The following TBL1X variants were observed in gnomAD, a reference collection of about 807,000 sequenced individuals.
TBL1X encodes F-box-like/WD repeat-containing protein TBL1X.
A neutral mutation model predicts 50.7 loss-of-function variants in TBL1X; 10 were observed. The observed-to-expected ratio is 0.20, with a 90% CI of 0.12 to 0.33. The LOEUF is 0.33. Ranked by LOEUF, TBL1X falls within the 10% of genes least tolerant of loss-of-function variation. TBL1X has a pLI of 1.00. For synonymous variants in TBL1X, 190 were observed against 214.7 expected, an observed-to-expected ratio of 0.88 and a Z score of 1.01; for missense variants, 340 against 504.4, an observed-to-expected ratio of 0.67 and a Z score of 3.12.
intron 2 of TBL1X, among the ~76,000 whole-genome samples, chrX:9,507,824 G>A (rs1265713007): frequency 4.5e-5 from 5 of 111,998 alleles, no homozygotes; most frequent in African/African-American, 1.6e-4. Context: ...CAAATCTGCC[G>A]AAAACAAGCA....
At chrX:9,612,853 A>G (rs2082620289) in intron 2 of TBL1X, among the ~76,000 whole-genome samples, 1 of 111,717 alleles carries the variant, frequency 9.0e-6, no homozygotes, top group South Asian at 3.7e-4. Context: ...TTAAGAATAT[A>G]CAAAAAATTT....
At chrX:9,659,711 G>A (rs954315993) in intron 5 of TBL1X, among the ~76,000 whole-genome samples, 2 of 112,168 alleles carry the variant, frequency 1.8e-5, no homozygotes, top group Non-Finnish European at 3.8e-5. Flanking sequence ...CTAAGGCAGA[G>A]GCAGGACACG....
rs1045337352 is a variant in TBL1X at position 9,718,883 on chromosome X, G to C, written c.*2637G>C. The C allele has an allele frequency of 2.7e-5, 3 of 111,810 alleles. No homozygotes were observed. Among genetic ancestry groups the C allele is most frequent in the African/African-American group, 6.5e-5 (2 of 30,738 alleles). The allele number at this position is 111,810 out of a possible 1,213,427, so 9.2% of individuals were successfully genotyped here. ...AGCCTGCGGCCGCAAGCAAAACCAA[G>C]CGCGAGATGCAGCTAGCACCCTTCA... On this transcript the variant is annotated 3_prime_UTR_variant, in exon 18 of 18. Coordinates refer to ENST00000645353, the MANE Select transcript of TBL1X (RefSeq NM_005647.4).
At chrX:9,571,492 A>C (rs760197570) in intron 2 of TBL1X, among the ~76,000 whole-genome samples, 52 of 111,928 alleles carry the variant, frequency 4.6e-4, no homozygotes, top group African/African-American at 1.7e-3. Context: ...CCCCAATGTG[A>C]AAAGAATTCC....
chrX:9,558,808 C>T (rs1034674224), intron 2 of TBL1X, among the ~76,000 whole-genome samples: 6 of 111,690 alleles, frequency 5.4e-5, no homozygotes, highest in African/African-American at 1.3e-4. Flanking sequence ...CTCTAAGATA[C>T]GTCCTTGGAG....
chrX:9,674,962 C>T (rs949957166), intron 5 of TBL1X, among the ~76,000 whole-genome samples: 4 of 111,740 alleles, frequency 3.6e-5, no homozygotes, highest in African/African-American at 1.3e-4. Context: ...GAAACAGTTG[C>T]TTTTTATTAG....
intron 15 of TBL1X, among the ~76,000 whole-genome samples, chrX:9,710,299 G>C (rs1376978413): frequency 1.8e-5 from 2 of 109,775 alleles, no homozygotes; most frequent in Non-Finnish European, 3.8e-5. Flanking sequence ...CAGCAAGCCA[G>C]GCAGCACCAA....
intron 5 of TBL1X, among the ~76,000 whole-genome samples, chrX:9,681,244 A>G (rs1204410593): frequency 1.7e-4 from 19 of 112,138 alleles, no homozygotes; most frequent in South Asian, 3.7e-4. Flanking sequence ...CTGAGCAGCC[A>G]GGTGGAAATG....
chrX:9,656,200 T>G (rs780371817), intron 5 of TBL1X, among the ~76,000 whole-genome samples: 4 of 112,384 alleles, frequency 3.6e-5, no homozygotes, highest in Non-Finnish European at 7.5e-5. Context: ...AGCCCATAGC[T>G]TTCCAGAGGT....
rs113846367 is a variant in TBL1X at position 9,604,408 on chromosome X, CT to C, written c.-130-35855del. Among the ~76,000 whole-genome samples the C allele has an allele frequency of 8.5e-3, 916 of 108,246 alleles. 11 individuals carry two copies. Among genetic ancestry groups the C allele is most frequent in the African/African-American group, 0.028 (845 of 29,897 alleles). The allele number at this position is 108,246 out of a possible 115,157, so 94.0% of individuals were successfully genotyped here. ...AGACTTTTTATTTCACTTTCCCCCC[CT>C]TTTTTTTTTGCCAGTGGACTGCCAA... On this transcript the variant is annotated intron_variant, in intron 2 of 17. Coordinates refer to ENST00000645353, the MANE Select transcript of TBL1X (RefSeq NM_005647.4).
intron 2 of TBL1X, among the ~76,000 whole-genome samples, chrX:9,602,351 T>TCTTC (rs2146549586): frequency 9.2e-6 from 1 of 108,536 alleles, no homozygotes; most frequent in South Asian, 3.9e-4. Flanking sequence ...TTTCTTTCTT[T>TCTTC]CTTCCTTTTT....
chrX:9,642,412 C>T lies in TBL1X; in HGVS notation c.-43+2052C>T, dbSNP rs2082780531. On this transcript the variant is annotated intron_variant, in intron 3 of 17. Transcript: ENST00000645353. ...TTTCTGCCTATGCTGCGTGCTGCGT[C>T]TCAGAAAGTGAGGGCTTCTAACGGT... 4.5e-5 allele frequency among the ~76,000 whole-genome samples: 5 copies of T among 111,916 alleles called. No individual in the cohort carries two copies. The Admixed American group carries it at 4.7e-4, about 11-fold the overall frequency.
At chrX:9,557,377 A>C (rs1601755843) in intron 2 of TBL1X, among the ~76,000 whole-genome samples, 1 of 111,684 alleles carries the variant, frequency 9.0e-6, no homozygotes, top group African/African-American at 3.3e-5. Context: ...TTTGCAGGGG[A>C]AACAGGCGGT....
At chrX:9,466,925 G>T (rs1184877948) in intron 1 of TBL1X, among the ~76,000 whole-genome samples, 1 of 111,921 alleles carries the variant, frequency 8.9e-6, no homozygotes, top group Admixed American at 9.4e-5. Flanking sequence ...GGCGATTCCA[G>T]CCCTTAGTAG....
chrX:9,485,603 C>T lies in TBL1X; in HGVS notation c.-200-16177C>T, dbSNP rs372334111. Among the ~76,000 whole-genome samples the T allele has an allele frequency of 2.5e-4, 28 of 111,833 alleles. No individual in the cohort carries two copies. The East Asian group carries it at 3.7e-3, about 15-fold the overall frequency. On this transcript the variant is annotated intron_variant, in intron 1 of 17. Transcript: ENST00000645353. The stretch of plus-strand genomic sequence containing the variant: ...TGGGATGGCCTTCTGATGGGATGGC[C>T]GGGCTGTGTTGTCAGCACCCGCCCA...
rs749786324 is a variant in TBL1X at position 9,719,116 on chromosome X, C to T, written c.*2870C>T. On this transcript the variant is annotated 3_prime_UTR_variant, in exon 18 of 18. Transcript: ENST00000645353. ...GAATGCCTAAGTCTTAGTGACCAAA[C>T]GTGACCTTGAAAGCAGACATAGCAT... 2 of 112,069 alleles carry T rather than the reference C, an allele frequency of 1.8e-5. No homozygotes were observed. Among genetic ancestry groups the T allele is most frequent in the Non-Finnish European group, 3.8e-5 (2 of 53,225 alleles). 9.2% of individuals were successfully genotyped at this position (112,069 alleles called of 1,213,427 possible). A position where few individuals can be genotyped will look rare whatever the true frequency, so the allele number is the denominator to read the frequency against.
intron 2 of TBL1X, chrX:9,636,485 A>AAACAAC (rs60010378): frequency 0.08 from 8,152 of 101,471 alleles, 291 homozygotes; most frequent in Middle Eastern, 0.15. Flanking sequence ...AAACAAAGCA[A>AAACAAC]AACAACAACA....
chrX:9,573,075 A>AC (rs1201323975), intron 2 of TBL1X, among the ~76,000 whole-genome samples: 1 of 113,072 alleles, frequency 8.8e-6, no homozygotes, highest in Non-Finnish European at 1.9e-5. Context: ...CCTTTTGTTA[A>AC]CCTAAAGAAA....
chrX:9,693,160 A>G lies in TBL1X; in HGVS notation c.903A>G (p.Thr301=), dbSNP rs746082705. The change falls in exon 10 of 18, where the codon ACA becomes ACG. Residue 301 remains threonine (T), a synonymous_variant. Transcript: ENST00000645353. ...TTTCTGGCCCTCAGACCAATGGAAC[A>G]CTCTTGGCTACGGGTTCATATGACG... ...VTSLDWNTNG[T]LLATGSYDGF... 1.3e-5 allele frequency: 16 copies of G among 1,210,881 alleles called. No homozygotes were observed. Among genetic ancestry groups the G allele is most frequent in the South Asian group, 1.8e-5 (1 of 56,932 alleles).
Sources: allele counts gnomAD v4.1 joint callset (sites outside exome capture counted in the v4.1 genomes callset), GRCh38; gene constraint gnomAD v4.1.1; transcripts MANE v1.5; gene names NCBI Gene and HGNC (gene_info 2026-07-23, HGNC 2026-07-21).